GARRE1: variants seen among roughly 807,000 people sequenced by gnomAD.
The protein encoded by GARRE1 is granule associated Rac and RHOG effector 1.
GARRE1 carries 49 observed loss-of-function variants against 103.2 expected under a neutral mutation model. The ratio of observed to expected loss-of-function variants is 0.47; its 90% CI spans 0.38 to 0.60. The LOEUF (loss-of-function observed/expected upper bound fraction) is 0.60, where lower values mean the gene tolerates loss of function less well. Among genes scored for constraint, GARRE1 ranks in the 20% least tolerant of loss-of-function variants. The probability of loss-of-function intolerance (pLI) is 0.00; values close to 1 mark genes in which losing one functional copy is unlikely to be tolerated. For missense variants in GARRE1, 1,199 were observed against 1,370.5 expected (o/e 0.87, Z 1.98); for synonymous variants, 505 against 532.8 (o/e 0.95, Z 0.72).
chr19:34,310,512 G>A (rs540694271), intron 2 of GARRE1, among the ~76,000 whole-genome samples: 88 of 152,318 alleles, frequency 5.8e-4, no homozygotes, highest in Middle Eastern at 3.4e-3. Context: ...CAGAAATAGC[G>A]TGATGTAGAG....
intron 12 of GARRE1, among the ~76,000 whole-genome samples, chr19:34,351,074 C>G (rs944486910): frequency 1.3e-5 from 2 of 151,686 alleles, no homozygotes; most frequent in African/African-American, 2.4e-5. Context: ...TGGCACGCAC[C>G]TGTAATCCCA....
At chr19:34,284,630 A>G (rs1266146265) in intron 1 of GARRE1, among the ~76,000 whole-genome samples, 2 of 152,200 alleles carry the variant, frequency 1.3e-5, no homozygotes, top group Non-Finnish European at 2.9e-5. Context: ...ATTAAAACTT[A>G]AGAGTACATG....
At chr19:34,302,548 C>T (rs947561638) in intron 2 of GARRE1, among the ~76,000 whole-genome samples, 2 of 151,604 alleles carry the variant, frequency 1.3e-5, no homozygotes, top group African/African-American at 2.4e-5. Flanking sequence ...CCTGCCTCAG[C>T]GTCCCAAAGT....
intron 2 of GARRE1, among the ~76,000 whole-genome samples, chr19:34,319,296 G>T (rs1295424981): frequency 6.6e-5 from 10 of 151,988 alleles, no homozygotes; most frequent in Non-Finnish European, 1.5e-4. Flanking sequence ...CAGGTTAATG[G>T]GTTTCTACTG....
chr19:34,298,516 C>T (rs2073959160), intron 1 of GARRE1, among the ~76,000 whole-genome samples: 1 of 151,952 alleles, frequency 6.6e-6, no homozygotes, highest in Admixed American at 6.6e-5. Context: ...AGTTCGAGAC[C>T]AGCCTGGCCA....
intron 2 of GARRE1, among the ~76,000 whole-genome samples, chr19:34,304,179 C>T (rs985170522): frequency 1.5e-4 from 23 of 151,846 alleles, no homozygotes; most frequent in African/African-American, 5.6e-4. Flanking sequence ...CAACCTCTGC[C>T]TCCTGGGTTG....
chr19:34,309,725 AAGTG>A (rs1341241935), intron 2 of GARRE1, among the ~76,000 whole-genome samples: 2 of 152,204 alleles, frequency 1.3e-5, no homozygotes, highest in African/African-American at 4.8e-5. Context: ...AGTTTGCAAA[AAGTG>A]AGAGAGAAAT....
chr19:34,279,792 C>T (rs903789687), intron 1 of GARRE1, among the ~76,000 whole-genome samples: 4 of 151,246 alleles, frequency 2.6e-5, no homozygotes, highest in Non-Finnish European at 5.9e-5. Context: ...GAGACCATCC[C>T]GGCTAAAACG....
intron 1 of GARRE1, among the ~76,000 whole-genome samples, chr19:34,272,953 C>G (rs1359821838): frequency 6.6e-6 from 1 of 152,206 alleles, no homozygotes; most frequent in African/African-American, 2.4e-5. Flanking sequence ...CCTGTAATCC[C>G]AGCACTTTGG....
chr19:34,338,769 A>T (rs995185885), intron 8 of GARRE1, among the ~76,000 whole-genome samples: 2 of 152,112 alleles, frequency 1.3e-5, no homozygotes, highest in African/African-American at 2.4e-5. Flanking sequence ...GGCTGTGGTG[A>T]GGGTTTAGAT....
Position 34,300,681 on chromosome 19 carries a change from A to C in GARRE1, c.208A>C (p.Thr70Pro). ...CAGCTGCCACCATGCCATGCCCCAC[A>C]CTACTCCTATCGCCGACATCCAGCA... Reference protein sequence around the residue: ...AGSCHHAMPHTTPIADIQQGI... With the variant: ...AGSCHHAMPHPTPIADIQQGI... Residue 70 changes from threonine to proline, a missense_variant, in exon 2 of 14, where the codon ACT (threonine) becomes CCT (proline). By Grantham distance (38) the Thr-to-Pro change is conservative (BLOSUM62 -1). Coordinates refer to ENST00000299505, the MANE Select transcript of GARRE1 (RefSeq NM_014686.5). The C allele has an allele frequency of 1.2e-6, 2 of 1,614,004 alleles. No homozygotes were observed. The highest frequency in any genetic ancestry group is 1.7e-6 in the Non-Finnish European group (2 of 1,180,010).
At chr19:34,299,094 C>T (rs1434545833) in intron 1 of GARRE1, among the ~76,000 whole-genome samples, 1 of 152,234 alleles carries the variant, frequency 6.6e-6, no homozygotes, top group African/African-American at 2.4e-5. Context: ...TTAAGCCCAG[C>T]TTGGTATCCG....
At chr19:34,281,550 A>G (rs1222277508) in intron 1 of GARRE1, among the ~76,000 whole-genome samples, 4 of 152,014 alleles carry the variant, frequency 2.6e-5, no homozygotes, top group Admixed American at 6.6e-5. Flanking sequence ...CTGCCTCCCA[A>G]AGTGCTAGGA....
rs149312603 is a variant in GARRE1, at chr19:34,271,530, G to C, written c.-796+16916G>C. Among the ~76,000 whole-genome samples the C allele has an allele frequency of 4.5e-3, 689 of 152,018 alleles. 9 individuals carry two copies. The highest frequency in any genetic ancestry group is 0.016 in the African/African-American group (666 of 41,458). ...TCCAGAGTGCTGGGATTACAGGTGTGAGCCACCACGCCCGGCCCCTTCTGT... is the reference window on the plus strand; with the variant it reads ...TCCAGAGTGCTGGGATTACAGGTGTCAGCCACCACGCCCGGCCCCTTCTGT... On this transcript the variant is annotated intron_variant, in intron 1 of 13. Transcript: ENST00000299505.
intron 1 of GARRE1, among the ~76,000 whole-genome samples, chr19:34,272,639 T>G (rs534473708): frequency 6.6e-6 from 1 of 152,320 alleles, no homozygotes; most frequent in East Asian, 1.9e-4. Flanking sequence ...AGGTCACTTT[T>G]CATTGCTCCA....
chr19:34,297,326 G>A (rs2073952789), intron 1 of GARRE1, among the ~76,000 whole-genome samples: 1 of 152,132 alleles, frequency 6.6e-6, no homozygotes, highest in Admixed American at 6.6e-5. Flanking sequence ...TGTTGAATCT[G>A]TAGATGAATT....
At chr19:34,333,834 G>C (rs914138313) in intron 8 of GARRE1, 33 bp downstream of exon 8, 1 of 1,242,270 alleles carries the variant, frequency 8.0e-7, no homozygotes, top group Admixed American at 1.7e-5. Context: ...CGGAGCCTAA[G>C]CTCTGACTGA....
Position 34,300,777 on chromosome 19 carries a change from A to G in GARRE1, c.304A>G (p.Ser102Gly). Residue 102 changes from serine (S) to glycine (G), a missense_variant, in exon 2 of 14, where the codon AGC becomes GGC. Transcript: ENST00000299505. Reference sequence around the variant, plus strand: ...CAGTACTTTCCTCACAGATCTCTTCAGCACTGTGTTCAGGAACTCTCACTA... The same window carrying G: ...CAGTACTTTCCTCACAGATCTCTTCGGCACTGTGTTCAGGAACTCTCACTA... ...RASTFLTDLF[S>G]TVFRNSHYSK... 1 of 1,614,234 alleles carries G rather than the reference A, an allele frequency of 6.2e-7. No individual in the cohort carries two copies. Among genetic ancestry groups the G allele is most frequent in the Non-Finnish European group, 8.5e-7 (1 of 1,180,036 alleles).
chr19:34,351,454 C>T, intron 12 of GARRE1, 60 bp from the exon 13 acceptor site: 1 of 1,317,114 alleles, frequency 7.6e-7, no homozygotes, highest in South Asian at 1.2e-5. Flanking sequence ...AGTGTGTACC[C>T]TACAGGTGGG....
Sources: allele counts gnomAD v4.1 joint callset (sites outside exome capture counted in the v4.1 genomes callset), GRCh38; gene constraint gnomAD v4.1.1; transcripts MANE v1.5; gene names NCBI Gene and HGNC (gene_info 2026-07-23, HGNC 2026-07-21).